SUMF1: variants seen among roughly 807,000 people sequenced by gnomAD.
SUMF1 encodes formylglycine-generating enzyme.
SUMF1 carries 48 observed loss-of-function variants against 47.6 expected under a neutral mutation model. That is an observed-to-expected ratio of 1.01 (90% confidence interval 0.80 to 1.28). The LOEUF is 1.28. Ranked by LOEUF, SUMF1 falls within the 50% of genes most tolerant of loss-of-function variation. SUMF1 has a pLI of 0.00. For missense variants in SUMF1, 571 were observed against 485.4 expected (o/e 1.18, Z -1.66); for synonymous variants, 230 against 192.1 (o/e 1.20, Z -1.63).
intron 1 of SUMF1, among the ~76,000 whole-genome samples, chr3:4,463,669 G>C (rs1260064834): frequency 6.6e-6 from 1 of 152,138 alleles, no homozygotes; most frequent in Non-Finnish European, 1.5e-5. Flanking sequence ...CATTGCCCAG[G>C]GAAGCATTAC....
chr3:4,356,100 G>A lies in SUMF1; in HGVS notation c.1014+20230C>T, dbSNP rs778628924. Among the ~76,000 whole-genome samples the A allele has an allele frequency of 7.6e-4, 116 of 152,234 alleles. 4 individuals carry two copies. The highest frequency in any genetic ancestry group is 5.7e-4 in the Non-Finnish European group (39 of 68,016). ...GTCAGAGGAAGGAAGTTCTGGCCAC[G>A]TGCCAAAGCTCCATCTGAGGCTCTC... On this transcript the variant is annotated intron_variant and NMD_transcript_variant, in intron 8 of 12. Coordinates refer to the SUMF1 transcript ENST00000448413.
At chr3:4,128,073 A>G (rs1693696587) in intron 8 of SUMF1, among the ~76,000 whole-genome samples, 1 of 152,164 alleles carries the variant, frequency 6.6e-6, no homozygotes, top group Admixed American at 6.5e-5. Flanking sequence ...AAAGTGATGA[A>G]AGAAAATGAT....
chr3:4,323,370 C>T (rs1488562582), intron 8 of SUMF1, among the ~76,000 whole-genome samples: 1 of 152,084 alleles, frequency 6.6e-6, no homozygotes. Flanking sequence ...TTAGTGGTTG[C>T]CAGGGCCGGG....
At chr3:4,054,789 T>C (rs1220678050) in intron 9 of SUMF1, among the ~76,000 whole-genome samples, 1 of 152,140 alleles carries the variant, frequency 6.6e-6, no homozygotes, top group East Asian at 1.9e-4. Context: ...TTTTAACAGA[T>C]ATTGAGCTGT....
intron 9 of SUMF1, among the ~76,000 whole-genome samples, chr3:4,047,807 A>T (rs949046901): frequency 2.6e-5 from 4 of 152,176 alleles, no homozygotes; most frequent in African/African-American, 9.7e-5. Context: ...ACAAAAAAAG[A>T]ACCCAGAGAC....
intron 8 of SUMF1, among the ~76,000 whole-genome samples, chr3:4,156,913 T>C (rs763752376): frequency 6.6e-5 from 10 of 151,712 alleles, no homozygotes; most frequent in Non-Finnish European, 8.8e-5. Flanking sequence ...GATTATAAAA[T>C]GCATGTGTCT....
At chr3:4,434,444 T>C (rs1702332964) in intron 3 of SUMF1, among the ~76,000 whole-genome samples, 3 of 152,244 alleles carry the variant, frequency 2.0e-5, no homozygotes, top group Admixed American at 2.0e-4. Flanking sequence ...GGCAGAATGC[T>C]ATATGAGGCA....
intron 8 of SUMF1, among the ~76,000 whole-genome samples, chr3:4,341,547 C>G (rs771524604): frequency 7.2e-5 from 11 of 151,886 alleles, no homozygotes; most frequent in Non-Finnish European, 1.5e-4. Context: ...CAATAGACAT[C>G]TTTTTTTAAA....
chr3:4,281,696 CAG>C (rs1031193088), intron 8 of SUMF1, among the ~76,000 whole-genome samples: 74 of 151,688 alleles, frequency 4.9e-4, no homozygotes, highest in African/African-American at 1.5e-3. Flanking sequence ...GGGGAAAAAA[CAG>C]GGGGAAAGGA....
At chr3:4,247,829 A>C (rs775969141) in intron 8 of SUMF1, among the ~76,000 whole-genome samples, 1 of 152,254 alleles carries the variant, frequency 6.6e-6, no homozygotes, top group African/African-American at 2.4e-5. Context: ...TCGATGAAGT[A>C]CAAAAAGTGC....
intron 8 of SUMF1, among the ~76,000 whole-genome samples, chr3:4,132,275 G>A (rs1192554125): frequency 6.6e-6 from 1 of 152,092 alleles, no homozygotes; most frequent in African/African-American, 2.4e-5. Flanking sequence ...CTCACTTTAT[G>A]GCTAAAGAAG....
At chr3:4,250,468 T>C (rs1050701589) in intron 8 of SUMF1, among the ~76,000 whole-genome samples, 3 of 151,846 alleles carry the variant, frequency 2.0e-5, no homozygotes, top group African/African-American at 7.3e-5. Context: ...CAGCAAGCTA[T>C]CCAGAAGATA....
At chr3:4,412,777 C>G (rs1038881337) in intron 6 of SUMF1, among the ~76,000 whole-genome samples, 2 of 152,088 alleles carry the variant, frequency 1.3e-5, no homozygotes, top group Non-Finnish European at 2.9e-5. Flanking sequence ...GTAATCCCAG[C>G]TACTCAGGAG....
At chr3:4,123,322 A>G (rs1236824490) in intron 8 of SUMF1, among the ~76,000 whole-genome samples, 3 of 152,154 alleles carry the variant, frequency 2.0e-5, no homozygotes, top group Non-Finnish European at 4.4e-5. Context: ...TTTATCTCAC[A>G]ATTCCTAACT....
intron 7 of SUMF1, among the ~76,000 whole-genome samples, chr3:4,382,718 C>T (rs556790398): frequency 1.3e-5 from 2 of 152,294 alleles, no homozygotes; most frequent in Non-Finnish European, 2.9e-5. Context: ...GGCACATATA[C>T]ACCATGGGAT....
At chr3:4,378,187 T>C (rs1214595977) in intron 7 of SUMF1, among the ~76,000 whole-genome samples, 2 of 152,216 alleles carry the variant, frequency 1.3e-5, no homozygotes, top group African/African-American at 4.8e-5. Context: ...ACCTTAAACA[T>C]GTTCAGAACA....
At chr3:4,170,218 C>T (rs1332463471) in intron 8 of SUMF1, among the ~76,000 whole-genome samples, 1 of 152,166 alleles carries the variant, frequency 6.6e-6, no homozygotes, top group African/African-American at 2.4e-5. Context: ...AAAATATTTA[C>T]TATCTGGCTA....
intron 8 of SUMF1, among the ~76,000 whole-genome samples, chr3:4,217,512 T>TATATATATATATA (rs1559577944): frequency 1.9e-4 from 9 of 47,504 alleles, no homozygotes; most frequent in African/African-American, 1.0e-3. Context: ...TTAAAGTATT[T>TATATATATATATA]TTTATATATA....
At chr3:4,394,325 T>C (rs1700972883) in intron 7 of SUMF1, among the ~76,000 whole-genome samples, 1 of 151,960 alleles carries the variant, frequency 6.6e-6, no homozygotes, top group East Asian at 1.9e-4. Flanking sequence ...ACATGCACCA[T>C]TTTAAATTTT....
Sources: allele counts gnomAD v4.1 joint callset (sites outside exome capture counted in the v4.1 genomes callset), GRCh38; gene constraint gnomAD v4.1.1; transcripts MANE v1.5; gene names NCBI Gene and HGNC (gene_info 2026-07-23, HGNC 2026-07-21).